HMBOX1: variants seen among roughly 807,000 people sequenced by gnomAD.
HMBOX1 encodes the protein homeobox containing 1, also known as homeobox-containing protein 1.
In HMBOX1, 14 loss-of-function variants were observed where a neutral mutation model predicts 54.5. The ratio of observed to expected loss-of-function variants is 0.26; its 90% CI spans 0.17 to 0.40. The LOEUF (loss-of-function observed/expected upper bound fraction) is 0.40, where lower values mean the gene tolerates loss of function less well. HMBOX1 is among the 10% of genes least tolerant of loss of function. The probability of loss-of-function intolerance (pLI) is 1.00; values close to 1 mark genes in which losing one functional copy is unlikely to be tolerated. For synonymous variants in HMBOX1, 160 were observed against 181.0 expected (o/e 0.88, Z 0.93); for missense variants, 332 against 514.4 (o/e 0.65, Z 3.43).
upstream of HMBOX1, chr8:28,890,232 A>T: frequency 4.9e-6 from 1 of 202,476 alleles, no homozygotes; most frequent in Non-Finnish European, 1.0e-5. Flanking sequence ...GACGGCTCCG[A>T]CTCCCCTTTC....
In HMBOX1 at chr8:29,053,189, T is replaced by C. The variant is rs1288368142; in HGVS notation, c.*2034T>C. On this transcript the variant is annotated 3_prime_UTR_variant, in exon 10 of 10. Coordinates refer to ENST00000287701, the MANE Select transcript of HMBOX1 (RefSeq NM_001135726.3). ...ATATGTCTGTGACTTTAAAGAGCTA[T>C]ATGCAGGGCCTGGTCCCACTTTTGT... The C allele has an allele frequency of 6.6e-6, 1 of 152,226 alleles. No homozygotes were observed. The highest frequency in any genetic ancestry group is 1.5e-5 in the Non-Finnish European group (1 of 68,032). 9.4% of individuals were successfully genotyped at this position (152,226 alleles called of 1,614,324 possible).
intron 4 of HMBOX1, among the ~76,000 whole-genome samples, chr8:28,999,006 A>G (rs780685624): frequency 3.9e-5 from 6 of 152,172 alleles, no homozygotes; most frequent in Non-Finnish European, 7.4e-5. Context: ...TATAAATAAA[A>G]AAGGAGTTAT....
At chr8:28,995,112 G>A (rs1831592746) in intron 4 of HMBOX1, among the ~76,000 whole-genome samples, 1 of 152,140 alleles carries the variant, frequency 6.6e-6, no homozygotes, top group Admixed American at 6.5e-5. Context: ...GGGAATTCTT[G>A]TATAGATACA....
At position 28,905,363 on chromosome 8, in the gene HMBOX1, A is replaced by ACGCACGCACACG. The variant is rs1239789495; in HGVS notation, c.-58+14686_-58+14687insGCACGCACACGC. 1.3e-4 allele frequency among the ~76,000 whole-genome samples: 20 copies of ACGCACGCACACG among 152,368 alleles called. No individual in the cohort carries two copies. The East Asian group carries it at 3.9e-3, about 29-fold the overall frequency. ...TGCGCACACACACGCACGCACACAC[A>ACGCACGCACACG]CACACACACGCAGAGAGAGAGAGAG... is the stretch of plus-strand genomic sequence containing the variant. On this transcript the variant is annotated intron_variant, in intron 1 of 9. Transcript: ENST00000287701.
intron 7 of HMBOX1, chr8:29,046,464 C>T (rs1272346491): frequency 6.6e-6 from 1 of 152,200 alleles, no homozygotes; most frequent in African/African-American, 2.4e-5. Flanking sequence ...AGCATGGTTA[C>T]TATCCATAAA....
In HMBOX1 at chr8:28,970,872, A is replaced by G. The variant is rs1283798439; in HGVS notation, c.500+353A>G. Among the ~76,000 whole-genome samples, 2 of 151,970 alleles carry G rather than the reference A, an allele frequency of 1.3e-5. No individual in the cohort carries two copies. Among genetic ancestry groups the G allele is most frequent in the Non-Finnish European group, 1.5e-5 (1 of 68,008 alleles). On this transcript the variant is annotated intron_variant, in intron 3 of 9. Transcript: ENST00000287701. The surrounding 1 kb of genome is among the most constrained non-coding windows in gnomAD (Gnocchi z 4.3). ...GTTGTAAGTACTTTTTCTGAGGGAT[A>G]ATTTTATCTTGATCAGAATATGTAC...
rs1474073486 is a variant in HMBOX1, at chr8:29,045,409, T to C, written c.900T>C (p.Ile300=). The change falls in exon 7 of 10, where the codon ATT becomes ATC. Residue 300 remains isoleucine, a synonymous_variant. Transcript: ENST00000287701. ...QYPDEAKREE[I]ANACNAVIQK... Reference sequence around the variant, plus strand: ...CAGATGAAGCAAAGAGGGAAGAAATTGCAAACGCTTGCAATGCAGTTATAC... The same window carrying C: ...CAGATGAAGCAAAGAGGGAAGAAATCGCAAACGCTTGCAATGCAGTTATAC... 4.3e-6 allele frequency: 7 copies of C among 1,614,074 alleles called. No homozygotes were observed. The highest frequency in any genetic ancestry group is 5.9e-6 in the Non-Finnish European group (7 of 1,180,002).
Position 28,907,849 on chromosome 8 carries a change from C to CT in HMBOX1, c.-58+17185dup, listed in dbSNP as rs1169064905. 7.3e-3 allele frequency among the ~76,000 whole-genome samples: 1,051 copies of CT among 144,272 alleles called. 6 individuals are homozygous for CT. Among genetic ancestry groups the CT allele is most frequent in the South Asian group, 0.012 (55 of 4,510 alleles). 94.6% of individuals were successfully genotyped at this position (144,272 alleles called of 152,430 possible). A position where few individuals can be genotyped will look rare whatever the true frequency, so the allele number is the denominator to read the frequency against. On this transcript the variant is annotated intron_variant, in intron 1 of 9. Transcript: ENST00000287701. ...AATATACTGATTTCTTTCTTTCTTT[C>CT]TTTTTTTTTTTTTTGAGACAAGTTC...
At chr8:29,003,638 A>G (rs1041142955) in intron 4 of HMBOX1, among the ~76,000 whole-genome samples, 1 of 146,198 alleles carries the variant, frequency 6.8e-6, no homozygotes, top group African/African-American at 2.5e-5. Flanking sequence ...ACACCAAATA[A>G]GGATACCTTT....
chr8:29,036,860 C>T (rs958769688), intron 6 of HMBOX1, among the ~76,000 whole-genome samples: 1 of 152,118 alleles, frequency 6.6e-6, no homozygotes, highest in African/African-American at 2.4e-5. Context: ...TCATGTCCTC[C>T]CCTGCAAAAT....
intron 6 of HMBOX1, among the ~76,000 whole-genome samples, chr8:29,030,461 C>T (rs1040974115): frequency 2.6e-5 from 4 of 152,124 alleles, no homozygotes; most frequent in Non-Finnish European, 5.9e-5. Context: ...TCAGGTGATC[C>T]GCCTGCCTTG....
intron 4 of HMBOX1, among the ~76,000 whole-genome samples, chr8:29,006,689 C>A (rs965147013): frequency 1.3e-5 from 2 of 152,036 alleles, no homozygotes; most frequent in African/African-American, 4.8e-5. Context: ...TATAAATATA[C>A]TCTAACTTAA....
rs1254783781 is a variant in HMBOX1 at position 29,052,706 on chromosome 8, C to G, written c.*1551C>G. On this transcript the variant is annotated 3_prime_UTR_variant, in exon 10 of 10. Transcript: ENST00000287701. ...ATCTCTTGGCATCCCGATTAAATGA[C>G]ACACTGTCACTGTGGGTAAGAGGAA... The G allele has an allele frequency of 6.6e-6, 1 of 152,102 alleles. No individual in the cohort carries two copies. The highest frequency in any genetic ancestry group is 1.5e-5 in the Non-Finnish European group (1 of 68,036). 9.4% of individuals were successfully genotyped at this position (152,102 alleles called of 1,614,324 possible).
At chr8:28,999,930 A>G (rs1388204003) in intron 4 of HMBOX1, among the ~76,000 whole-genome samples, 1 of 152,166 alleles carries the variant, frequency 6.6e-6, no homozygotes, top group Non-Finnish European at 1.5e-5. Context: ...TGTATGAGCC[A>G]TACTTTCTTG....
intron 1 of HMBOX1, among the ~76,000 whole-genome samples, chr8:28,929,600 C>G (rs1385404094): frequency 6.6e-6 from 1 of 152,082 alleles, no homozygotes; most frequent in African/African-American, 2.4e-5. Flanking sequence ...GGTTATTTCT[C>G]TTTATTGAAC....
intron 1 of HMBOX1, among the ~76,000 whole-genome samples, chr8:28,920,908 C>A (rs1253121529): frequency 6.6e-6 from 1 of 152,136 alleles, no homozygotes; most frequent in African/African-American, 2.4e-5. Flanking sequence ...CATACTCTAA[C>A]ATAAACCAGA....
intron 4 of HMBOX1, among the ~76,000 whole-genome samples, chr8:28,988,738 C>T (rs1326104714): frequency 2.0e-5 from 3 of 151,964 alleles, no homozygotes; most frequent in Non-Finnish European, 4.4e-5. Flanking sequence ...TCTTGGGTGA[C>T]ATGTCTGTCA....
Position 29,051,139 on chromosome 8 carries a change from C to A in HMBOX1, c.1247C>A (p.Ala416Asp), listed in dbSNP as rs746261165. 6.2e-7 allele frequency: 1 copy of A among 1,613,810 alleles called. No individual in the cohort carries two copies. Among genetic ancestry groups the A allele is most frequent in the East Asian group, 2.2e-5 (1 of 44,866 alleles). Residue 416 changes from alanine to aspartate, a missense_variant, in exon 10 of 10, where the codon GCC becomes GAC. Physicochemically the swap from Ala to Asp is moderately radical, Grantham distance 126. Transcript: ENST00000287701. ...GGAGCCAACGAAATCAAGACAGAGG[C>A]CCTGGATGATGACTGATCAGGGAGG... ...RQGANEIKTE[A>D]LDDD
At chr8:28,961,331 A>G (rs1825551110) in intron 1 of HMBOX1, among the ~76,000 whole-genome samples, 2 of 152,170 alleles carry the variant, frequency 1.3e-5, no homozygotes, top group African/African-American at 4.8e-5. Flanking sequence ...TCATCCTCAC[A>G]GATTGAAACT....
Sources: allele counts gnomAD v4.1 joint callset (sites outside exome capture counted in the v4.1 genomes callset), GRCh38; gene constraint gnomAD v4.1.1; non-coding constraint Gnocchi (gnomAD v3.1); transcripts MANE v1.5; gene names NCBI Gene and HGNC (gene_info 2026-07-23, HGNC 2026-07-21).